KATNAL2: variants seen among roughly 807,000 people sequenced by gnomAD.
The protein encoded by KATNAL2 is katanin catalytic subunit A1 like 2, also known as katanin p60 ATPase-containing subunit A-like 2.
KATNAL2 carries 52 observed loss-of-function variants against 76.3 expected under a neutral mutation model. The ratio of observed to expected loss-of-function variants is 0.68; its 90% CI spans 0.55 to 0.86. The LOEUF is 0.86. KATNAL2 is among the 40% of genes least tolerant of loss of function. The pLI is 0.00. For synonymous variants in KATNAL2, 243 were observed against 244.2 expected (o/e 1.00, Z 0.05); for missense variants, 660 against 668.9 (o/e 0.99, Z 0.15).
intron 8 of KATNAL2, among the ~76,000 whole-genome samples, chr18:47,062,571 T>C (rs986511189): frequency 3.3e-5 from 5 of 152,180 alleles, no homozygotes; most frequent in African/African-American, 1.2e-4. Flanking sequence ...AGCACTCTAT[T>C]GAGTGGTGAA....
intron 3 of KATNAL2, among the ~76,000 whole-genome samples, chr18:46,958,863 T>C (rs767855669): frequency 2.0e-5 from 3 of 152,242 alleles, no homozygotes; most frequent in Non-Finnish European, 4.4e-5. Context: ...TTCATGTGTA[T>C]GCACAAAAGA....
intron 15 of KATNAL2, among the ~76,000 whole-genome samples, chr18:47,088,595 T>C (rs969355576): frequency 6.6e-6 from 1 of 152,190 alleles, no homozygotes; most frequent in Non-Finnish European, 1.5e-5. Flanking sequence ...CATTCATTTT[T>C]GAGAGGGGGG....
Position 47,101,185 on chromosome 18 carries a change from C to T in KATNAL2, c.*180C>T, listed in dbSNP as rs778389512. 30 of 632,232 alleles carry T rather than the reference C, an allele frequency of 4.7e-5. No homozygotes were observed. Among genetic ancestry groups the T allele is most frequent in the South Asian group, 4.2e-4 (19 of 45,402 alleles). 39.2% of individuals were successfully genotyped at this position (632,232 alleles called of 1,614,324 possible). On this transcript the variant is annotated 3_prime_UTR_variant, in exon 18 of 18. Coordinates refer to ENST00000683218, the MANE Select transcript of KATNAL2 (RefSeq NM_001387690.1). ...GATATATTTATTAACTTACCATTAT[C>T]GATGTCAGCAAAATATTGAGAGTTT... is the stretch of plus-strand genomic sequence containing the variant.
intron 6 of KATNAL2, among the ~76,000 whole-genome samples, chr18:47,057,425 T>G (rs761866578): frequency 5.3e-5 from 8 of 152,226 alleles, no homozygotes; most frequent in Non-Finnish European, 1.0e-4. Flanking sequence ...AAAAGTGATT[T>G]GATCTTTCTA....
intron 15 of KATNAL2, among the ~76,000 whole-genome samples, chr18:47,078,884 A>T (rs977540388): frequency 6.6e-6 from 1 of 152,206 alleles, no homozygotes; most frequent in Non-Finnish European, 1.5e-5. Flanking sequence ...TTTGCTTCTC[A>T]ATGTGTCAGC....
At chr18:47,029,196 TG>T in intron 3 of KATNAL2, 2 of 876,474 alleles carry the variant, frequency 2.3e-6, no homozygotes, top group Non-Finnish European at 3.1e-6. Flanking sequence ...CGCTTCCCCC[TG>T]GGGTTGGCCC....
chr18:46,959,524 A>G (rs1388402090), intron 3 of KATNAL2, among the ~76,000 whole-genome samples: 4 of 152,244 alleles, frequency 2.6e-5, no homozygotes, highest in Non-Finnish European at 5.9e-5. Flanking sequence ...GTTTTGTGTG[A>G]AAACATACTT....
chr18:47,079,305 A>G (rs2062395817), intron 15 of KATNAL2, among the ~76,000 whole-genome samples: 2 of 152,106 alleles, frequency 1.3e-5, no homozygotes, highest in Admixed American at 1.3e-4. Flanking sequence ...TCTCTTTACC[A>G]TTGACTTACT....
chr18:47,034,620 G>C (rs773041355), intron 3 of KATNAL2: 1 of 1,614,118 alleles, frequency 6.2e-7, no homozygotes, highest in Non-Finnish European at 8.5e-7. Context: ...CTTTCCCCTG[G>C]GGTTGGCCCT....
At chr18:47,073,434 A>T (rs2062075996) in intron 13 of KATNAL2, among the ~76,000 whole-genome samples, 1 of 152,224 alleles carries the variant, frequency 6.6e-6, no homozygotes, top group East Asian at 1.9e-4. Context: ...TTCCTTTCAG[A>T]AATTACATCA....
In KATNAL2 at chr18:47,101,039, A is replaced by G. The variant is rs753626422; in HGVS notation, c.*34A>G. 2.5e-6 allele frequency: 4 copies of G among 1,610,020 alleles called. No homozygotes were observed. In the South Asian group the frequency reaches 4.4e-5, roughly 18 times the overall value. Reference sequence around the variant, plus strand: ...TTACCCTGACCTGGCCACAAAGGCAACCACAAAGACCTCCTAGTTTATTAA... The same window carrying G: ...TTACCCTGACCTGGCCACAAAGGCAGCCACAAAGACCTCCTAGTTTATTAA... On this transcript the variant is annotated 3_prime_UTR_variant, in exon 18 of 18. Transcript: ENST00000683218.
At chr18:46,958,387 ATAAT>A (rs2059828014) in intron 3 of KATNAL2, among the ~76,000 whole-genome samples, 1 of 152,166 alleles carries the variant, frequency 6.6e-6, no homozygotes, top group South Asian at 2.1e-4. Context: ...AATCTAGTAA[ATAAT>A]AAATAATCTA....
chr18:47,045,330 T>TTTTC lies in KATNAL2; in HGVS notation c.52-1124_52-1123insCTTT, dbSNP rs1491241447. On this transcript the variant is annotated intron_variant, in intron 3 of 17. Transcript: ENST00000683218. ...TTTGTTTTTCTTTTCTTTTCTTTTC[T>TTTTC]TTTTTTTTTTTTTGAGACAGAGTCT... 2.3e-3 allele frequency among the ~76,000 whole-genome samples: 97 copies of TTTTC among 41,930 alleles called. No homozygotes were observed. In the Middle Eastern group the frequency reaches 0.035, roughly 15 times the overall value. 27.5% of individuals were successfully genotyped at this position (41,930 alleles called of 152,430 possible).
At chr18:47,032,774 A>G (rs1447451032) in intron 3 of KATNAL2, 6 of 716,844 alleles carry the variant, frequency 8.4e-6, no homozygotes, top group Admixed American at 3.0e-5. Flanking sequence ...ATTGTTCCCA[A>G]TGCGTTCATA....
chr18:47,032,608 T>C, intron 3 of KATNAL2: 1 of 280,978 alleles, frequency 3.6e-6, no homozygotes, highest in Non-Finnish European at 6.7e-6. Context: ...GAGTTATCAG[T>C]GTCAACTAAT....
At chr18:47,091,899 C>T (rs533566238) in intron 15 of KATNAL2, among the ~76,000 whole-genome samples, 78 of 152,220 alleles carry the variant, frequency 5.1e-4, no homozygotes, top group African/African-American at 1.9e-3. Context: ...AAGTAAAGGC[C>T]TTGGAAGAAA....
intron 3 of KATNAL2, among the ~76,000 whole-genome samples, chr18:46,949,928 T>G (rs565209950): frequency 6.6e-6 from 1 of 152,314 alleles, no homozygotes; most frequent in East Asian, 1.9e-4. Context: ...GTGCCACTCT[T>G]TTAATGGGAT....
chr18:47,031,018 C>CG (rs1748422924), intron 3 of KATNAL2, among the ~76,000 whole-genome samples: 2 of 32,126 alleles, frequency 6.2e-5, no homozygotes, highest in Non-Finnish European at 1.1e-4. Flanking sequence ...CATCTCCCCC[C>CG]CCCCCCCCCG....
intron 15 of KATNAL2, among the ~76,000 whole-genome samples, chr18:47,092,185 A>C (rs1483061000): frequency 6.6e-6 from 1 of 152,150 alleles, no homozygotes; most frequent in Non-Finnish European, 1.5e-5. Context: ...ATATAAATGT[A>C]ATGATTTAGC....
Sources: allele counts gnomAD v4.1 joint callset (sites outside exome capture counted in the v4.1 genomes callset), GRCh38; gene constraint gnomAD v4.1.1; transcripts MANE v1.5; gene names NCBI Gene and HGNC (gene_info 2026-07-23, HGNC 2026-07-21).